The following KDM4C variants were observed in gnomAD, a reference collection of about 807,000 sequenced individuals.
KDM4C encodes lysine-specific demethylase 4C.
In KDM4C, 81 loss-of-function variants were observed where a neutral mutation model predicts 129.3. The ratio of observed to expected loss-of-function variants is 0.63; its 90% CI spans 0.52 to 0.75. KDM4C has a LOEUF of 0.75. Ranked by LOEUF, KDM4C falls within the 30% of genes least tolerant of loss-of-function variation. The pLI is 0.00. For missense variants in KDM4C, 1,457 were observed against 1,304.0 expected (o/e 1.12, Z -1.81); for synonymous variants, 573 against 456.1 (o/e 1.26, Z -3.26).
chr9:7,159,233 A>G (rs765422067), intron 19 of KDM4C, among the ~76,000 whole-genome samples: 1 of 152,148 alleles, frequency 6.6e-6, no homozygotes, highest in Admixed American at 6.5e-5. Context: ...GTCTCTGCAC[A>G]TGAGCTGGGT....
chr9:6,739,483 G>T (rs1437743761), intron 1 of KDM4C, among the ~76,000 whole-genome samples: 1 of 152,060 alleles, frequency 6.6e-6, no homozygotes, highest in Non-Finnish European at 1.5e-5. Context: ...TTTACACTAA[G>T]GCTTCACTCC....
chr9:6,823,013 T>A (rs1833290116), intron 4 of KDM4C, among the ~76,000 whole-genome samples: 1 of 152,254 alleles, frequency 6.6e-6, no homozygotes, highest in Admixed American at 6.5e-5. Flanking sequence ...ATACCTATTG[T>A]GTAGCATAAT....
At chr9:7,143,718 T>C (rs1180521925) in intron 19 of KDM4C, among the ~76,000 whole-genome samples, 2 of 152,224 alleles carry the variant, frequency 1.3e-5, no homozygotes, top group Admixed American at 1.3e-4. Context: ...ACAAGAATCA[T>C]TTGGGGGAGT....
intron 12 of KDM4C, among the ~76,000 whole-genome samples, chr9:7,006,381 G>T (rs1377930214): frequency 6.6e-6 from 1 of 152,136 alleles, no homozygotes; most frequent in African/African-American, 2.4e-5. Flanking sequence ...CATTGCTTGA[G>T]CATCAGAGGT....
chr9:6,726,123 T>C (rs1817119948), intron 1 of KDM4C, among the ~76,000 whole-genome samples: 1 of 151,880 alleles, frequency 6.6e-6, no homozygotes, highest in Non-Finnish European at 1.5e-5. Flanking sequence ...GAGATGGGGT[T>C]TCGCCGTCGC....
Position 6,803,647 on chromosome 9 carries a change from A to G in KDM4C, c.145-1952A>G, listed in dbSNP as rs186826866. On this transcript the variant is annotated intron_variant, in intron 2 of 21. Coordinates refer to ENST00000381309, the MANE Select transcript of KDM4C (RefSeq NM_015061.6). ...GGTAAAGTGGCCAGGTGCAGTGACTATTGCCTGTAATTCCAGCACTTTGGG... is the reference window on the plus strand; with the variant it reads ...GGTAAAGTGGCCAGGTGCAGTGACTGTTGCCTGTAATTCCAGCACTTTGGG... 9.3e-5 allele frequency among the ~76,000 whole-genome samples: 14 copies of G among 151,022 alleles called. 1 individual carries two copies. The East Asian group carries it at 2.7e-3, about 30-fold the overall frequency.
At chr9:7,078,197 T>C (rs1229030958) in intron 17 of KDM4C, among the ~76,000 whole-genome samples, 2 of 152,218 alleles carry the variant, frequency 1.3e-5, no homozygotes, top group African/African-American at 2.4e-5. Context: ...AAATAATTTA[T>C]ACATGCTGTG....
chr9:6,842,921 C>T (rs761564819), intron 4 of KDM4C, among the ~76,000 whole-genome samples: 1 of 151,940 alleles, frequency 6.6e-6, no homozygotes, highest in East Asian at 1.9e-4. Flanking sequence ...TGTTCTTGTA[C>T]TCTTTGTTTT....
rs370561488 is a variant in KDM4C at position 6,980,046 on chromosome 9, A to G, written c.922-879A>G. On this transcript the variant is annotated intron_variant, in intron 8 of 21. Coordinates refer to ENST00000381309, the MANE Select transcript of KDM4C (RefSeq NM_015061.6). ...CATGGAGGTGATAATTGTATCACCAAGATATCTAAAGTCTTATTGTGTCAA... is the reference window on the plus strand; with the variant it reads ...CATGGAGGTGATAATTGTATCACCAGGATATCTAAAGTCTTATTGTGTCAA... Among the ~76,000 whole-genome samples, 19 of 152,346 alleles carry G rather than the reference A, an allele frequency of 1.2e-4. No homozygotes were observed. The South Asian group carries it at 3.9e-3, about 32-fold the overall frequency.
At chr9:7,153,938 G>C (rs1361457433) in intron 19 of KDM4C, among the ~76,000 whole-genome samples, 1 of 152,204 alleles carries the variant, frequency 6.6e-6, no homozygotes, top group Non-Finnish European at 1.5e-5. Context: ...CTGTAGGCCT[G>C]TGGGTGCTGC....
intron 17 of KDM4C, among the ~76,000 whole-genome samples, chr9:7,054,597 CT>C (rs1830624677): frequency 6.6e-6 from 1 of 152,134 alleles, no homozygotes; most frequent in African/African-American, 2.4e-5. Context: ...CTGTAAAAAT[CT>C]TAGATTTGAT....
At chr9:6,897,770 T>TA (rs1472092093) in intron 8 of KDM4C, among the ~76,000 whole-genome samples, 2 of 152,242 alleles carry the variant, frequency 1.3e-5, no homozygotes, top group African/African-American at 4.8e-5. Context: ...TAATGGAACG[T>TA]AACATCTAGT....
chr9:6,747,663 G>A (rs1011681708), intron 1 of KDM4C, among the ~76,000 whole-genome samples: 2 of 152,026 alleles, frequency 1.3e-5, no homozygotes, highest in African/African-American at 4.8e-5. Flanking sequence ...GTCAGATAAT[G>A]TCATAGTATT....
intron 5 of KDM4C, among the ~76,000 whole-genome samples, chr9:6,858,805 A>G (rs926776318): frequency 9.2e-5 from 14 of 151,360 alleles, no homozygotes; most frequent in African/African-American, 2.9e-4. Context: ...CTATGTTAGT[A>G]GTTAACAAGT....
chr9:6,974,861 GT>G (rs1448609057), intron 8 of KDM4C: 10 of 152,286 alleles, frequency 6.6e-5, no homozygotes, highest in Non-Finnish European at 1.3e-4. Flanking sequence ...ATTTCATGCT[GT>G]TTTACATGGC....
At chr9:7,029,293 G>GTTT (rs59185392) in intron 15 of KDM4C, among the ~76,000 whole-genome samples, 2 of 141,602 alleles carry the variant, frequency 1.4e-5, no homozygotes, top group African/African-American at 2.5e-5. Context: ...TCCCCCCACC[G>GTTT]TTTTTTTTTT....
intron 6 of KDM4C, among the ~76,000 whole-genome samples, chr9:6,881,343 G>A (rs1478260420): frequency 1.3e-5 from 2 of 152,124 alleles, no homozygotes; most frequent in African/African-American, 4.8e-5. Flanking sequence ...TAATAATAGC[G>A]ATTGATGTAA....
At position 7,172,726 on chromosome 9, in the gene KDM4C, T is replaced by C. The variant is rs188000332; in HGVS notation, c.2995-1827T>C. On this transcript the variant is annotated intron_variant, in intron 21 of 21. Transcript: ENST00000381309. Reference sequence around the variant, plus strand: ...CTTTACGCTTCGGTACATTTTTTGTTTTCAGGCTTCCTTGTGGCTGTTTTC... The same window carrying C: ...CTTTACGCTTCGGTACATTTTTTGTCTTCAGGCTTCCTTGTGGCTGTTTTC... 1.4e-4 allele frequency among the ~76,000 whole-genome samples: 21 copies of C among 152,358 alleles called. No homozygotes were observed. The East Asian group carries it at 4.1e-3, about 29-fold the overall frequency.
At chr9:6,891,056 C>A (rs1406508754) in intron 7 of KDM4C, among the ~76,000 whole-genome samples, 2 of 152,146 alleles carry the variant, frequency 1.3e-5, no homozygotes, top group Non-Finnish European at 2.9e-5. Flanking sequence ...ATCTCCAATA[C>A]CATTTTAGCA....
Sources: gnomAD v4.1 joint callset for allele counts (sites outside exome capture counted in the v4.1 genomes callset) on GRCh38, gnomAD v4.1.1 for gene constraint, MANE v1.5 for transcripts, NCBI Gene and HGNC (gene_info 2026-07-23, HGNC 2026-07-21) for gene names.